The following PRELID2 variants were observed in gnomAD, a reference collection of about 807,000 sequenced individuals.
PRELID2 encodes PRELI domain-containing protein 2.
A neutral mutation model predicts 28.4 loss-of-function variants in PRELID2; 25 were observed. The observed-to-expected ratio is 0.88, with a 90% CI of 0.64 to 1.23. PRELID2 has a LOEUF of 1.23. Among genes scored for constraint, PRELID2 ranks in the 50% most tolerant of loss-of-function variants. The pLI is 0.00. For missense variants in PRELID2, 201 were observed against 214.4 expected (o/e 0.94, Z 0.39); for synonymous variants, 76 against 71.6 (o/e 1.06, Z -0.31).
rs568527587 is a variant in PRELID2, at chr5:145,629,570, C to T, written n.70+135361G>A. Among the ~76,000 whole-genome samples, 194 of 152,192 alleles carry T rather than the reference C, an allele frequency of 1.3e-3. 2 individuals carry two copies. Among genetic ancestry groups the T allele is most frequent in the African/African-American group, 4.6e-3 (190 of 41,506 alleles). ...GTGAAAACCACAATGATGATAATAA[C>T]AATTATAACAAGTATGGAGGCTTAA... On this transcript the variant is annotated intron_variant and non_coding_transcript_variant, in intron 1 of 2. Transcript: ENST00000510259.
intron 1 of PRELID2, among the ~76,000 whole-genome samples, chr5:145,537,272 T>C (rs1752707257): frequency 6.6e-6 from 1 of 151,838 alleles, no homozygotes; most frequent in East Asian, 1.9e-4. Context: ...ATGGGCTGTA[T>C]AGACTAGTAG....
At chr5:145,738,939 T>G (rs2149734103) in intron 1 of PRELID2, among the ~76,000 whole-genome samples, 1 of 152,154 alleles carries the variant, frequency 6.6e-6, no homozygotes, top group East Asian at 1.9e-4. Context: ...TAAAAAACTG[T>G]GAGAGGGAAA....
chr5:145,516,953 G>C lies in PRELID2; in HGVS notation n.71-43638C>G, dbSNP rs145318408. Among the ~76,000 whole-genome samples, 197 of 152,198 alleles carry C rather than the reference G, an allele frequency of 1.3e-3. 2 individuals carry two copies. The East Asian group carries it at 0.032, about 25-fold the overall frequency. Reference sequence around the variant, plus strand: ...TAGCTATACACAGAAAACTGAAACTGGACCCTTTCCTTACACTTTATACAA... The same window carrying C: ...TAGCTATACACAGAAAACTGAAACTCGACCCTTTCCTTACACTTTATACAA... On this transcript the variant is annotated intron_variant and non_coding_transcript_variant, in intron 1 of 2. Transcript: ENST00000510259.
intron 1 of PRELID2, among the ~76,000 whole-genome samples, chr5:145,647,626 T>C (rs372163338): frequency 3.3e-4 from 50 of 152,288 alleles, no homozygotes; most frequent in African/African-American, 1.2e-3. Context: ...TCTGCCCAAA[T>C]GGCTGCCCAG....
chr5:145,648,133 GA>G, intron 1 of PRELID2, among the ~76,000 whole-genome samples: 1 of 152,182 alleles, frequency 6.6e-6, no homozygotes, highest in African/African-American at 2.4e-5. Flanking sequence ...TAGTAAAGAA[GA>G]TGTGTATACC....
At chr5:145,819,636 G>C in intron 3 of PRELID2, 3 of 575,286 alleles carry the variant, frequency 5.2e-6, no homozygotes, top group Non-Finnish European at 6.1e-6. Flanking sequence ...TCTCACCTAA[G>C]AGTAATTTCT....
At chr5:145,563,282 G>A (rs935498747) in intron 1 of PRELID2, among the ~76,000 whole-genome samples, 10 of 152,320 alleles carry the variant, frequency 6.6e-5, no homozygotes, top group Admixed American at 1.3e-4. Flanking sequence ...ACCCACAGAC[G>A]GGACCTCCTG....
intron 1 of PRELID2, chr5:145,704,348 C>G (rs1302541899): frequency 6.6e-6 from 1 of 151,988 alleles, no homozygotes; most frequent in African/African-American, 2.4e-5. Flanking sequence ...AATGATATAC[C>G]AAGCAATGAG....
intron 1 of PRELID2, among the ~76,000 whole-genome samples, chr5:145,648,025 C>T (rs11955456): frequency 0.038 from 5,724 of 152,190 alleles, 332 homozygotes; most frequent in African/African-American, 0.13. Flanking sequence ...TTTTTATACA[C>T]GACTAGGGAA....
Position 145,724,593 on chromosome 5 carries a change from G to GTAAA in PRELID2, n.70+40334_70+40337dup, listed in dbSNP as rs1262175009. Among the ~76,000 whole-genome samples, 24 of 13,126 alleles carry GTAAA rather than the reference G, an allele frequency of 1.8e-3. 1 individual carries two copies. The highest frequency in any genetic ancestry group is 0.011 in the Admixed American group (7 of 660). The allele number at this position is 13,126 out of a possible 152,430, so 8.6% of individuals were successfully genotyped here. ...AGGGAAAACACTGAAATAACAAGAA[G>GTAAA]TAAATAAATATATATATATATATAT... On this transcript the variant is annotated intron_variant and non_coding_transcript_variant, in intron 1 of 2. Transcript: ENST00000510259.
the PRELID2 span, among the ~76,000 whole-genome samples, chr5:145,262,457 A>G: frequency 2.6e-5 from 4 of 152,200 alleles, no homozygotes; most frequent in African/African-American, 9.6e-5. Context: ...GGTAACCTAT[A>G]AAAGAAAACC....
intron 5 of PRELID2, among the ~76,000 whole-genome samples, chr5:145,782,570 A>G (rs1751704799): frequency 6.6e-6 from 1 of 152,258 alleles, no homozygotes; most frequent in Non-Finnish European, 1.5e-5. Context: ...TGTTTATAGA[A>G]GGCATAGATT....
intron 1 of PRELID2, among the ~76,000 whole-genome samples, chr5:145,473,751 G>A (rs538102125): frequency 7.2e-5 from 11 of 152,226 alleles, no homozygotes; most frequent in African/African-American, 2.6e-4. Context: ...CTGAATTTAG[G>A]TCAAAATCTT....
intron 1 of PRELID2, among the ~76,000 whole-genome samples, chr5:145,824,425 C>CGTGTGTGTGTGTGTGTGTGTGTGT (rs369429281): frequency 1.0e-5 from 1 of 96,256 alleles, no homozygotes; most frequent in Non-Finnish European, 2.6e-5. Context: ...CCACAGCAGG[C>CGTGTGTGTGTGTGTGTGTGTGTGT]GTGTGTGTGT....
the PRELID2 span, among the ~76,000 whole-genome samples, chr5:145,434,896 G>A: frequency 2.6e-5 from 4 of 152,172 alleles, no homozygotes; most frequent in Admixed American, 2.0e-4. Context: ...TGTATGCAGT[G>A]GGGGAAGAAG....
rs964708281 is a variant in PRELID2 at position 145,645,545 on chromosome 5, C to A, written n.70+119386G>T. On this transcript the variant is annotated intron_variant and non_coding_transcript_variant, in intron 1 of 2. Transcript: ENST00000510259. ...TTAGCCCATTTACATTTAAGGTTAA[C>A]ATTGTTATGTGTGAATCTGATCCTG... 4.8e-4 allele frequency among the ~76,000 whole-genome samples: 73 copies of A among 151,956 alleles called. No individual in the cohort carries two copies. The South Asian group carries it at 0.015, about 31-fold the overall frequency.
At chr5:145,234,455 T>C in the PRELID2 span, among the ~76,000 whole-genome samples, 1 of 152,184 alleles carries the variant, frequency 6.6e-6, no homozygotes, top group Non-Finnish European at 1.5e-5. Flanking sequence ...CATTAGTCTC[T>C]GCCCTTAACT....
At chr5:145,249,509 T>C in the PRELID2 span, among the ~76,000 whole-genome samples, 2 of 152,134 alleles carry the variant, frequency 1.3e-5, no homozygotes, top group African/African-American at 4.8e-5. Flanking sequence ...GCCAAAATAC[T>C]TGTTTTTTTC....
chr5:145,355,504 A>T, the PRELID2 span, among the ~76,000 whole-genome samples: 55 of 152,304 alleles, frequency 3.6e-4, 1 homozygote, highest in African/African-American at 1.3e-3. Flanking sequence ...TTTTTAAAAT[A>T]TCAGTTTGGA....
Sources: allele counts gnomAD v4.1 joint callset (sites outside exome capture counted in the v4.1 genomes callset), GRCh38; gene constraint gnomAD v4.1.1; transcripts MANE v1.5; gene names NCBI Gene and HGNC (gene_info 2026-07-23, HGNC 2026-07-21).